Variants in NPIPB2 observed in about 807,000 individuals in gnomAD.
The protein encoded by NPIPB2 is nuclear pore complex interacting protein family member B2, also known as nuclear pore complex-interacting protein family member B2.
NPIPB2 carries 27 observed loss-of-function variants against 30.8 expected under a neutral mutation model. The ratio of observed to expected loss-of-function variants is 0.88; its 90% confidence interval spans 0.65 to 1.21. The LOEUF (loss-of-function observed/expected upper bound fraction) is 1.21, where lower values mean the gene tolerates loss of function less well. Among genes scored for constraint, NPIPB2 ranks in the 50% most tolerant of loss-of-function variants. NPIPB2 has a pLI of 0.00. For synonymous variants in NPIPB2, 147 were observed against 162.0 expected (o/e 0.91, Z 0.70); for missense variants, 440 against 446.2 (o/e 0.99, Z 0.13).
In NPIPB2 at chr16:11,965,611, A is replaced by G. The variant is rs149170267; in HGVS notation, c.-584+10957T>C. ...CAGTGATTTTAATGTTTATGGAAAC[A>G]AAGTAATTATTTGGAACTGAACTTG... On this transcript the variant is annotated intron_variant, in intron 1 of 5. Coordinates refer to the NPIPB2 transcript ENST00000538896. Among the ~76,000 whole-genome samples the G allele has an allele frequency of 1.8e-3, 267 of 152,354 alleles. 1 individual carries two copies. Among genetic ancestry groups the G allele is most frequent in the African/African-American group, 6.2e-3 (256 of 41,590 alleles).
intron 1 of NPIPB2, among the ~76,000 whole-genome samples, chr16:11,949,846 A>G (rs1205084642): frequency 3.3e-5 from 5 of 152,184 alleles, no homozygotes; most frequent in African/African-American, 9.6e-5. Flanking sequence ...TTTCCCCCAG[A>G]GGTTGATGAA....
At chr16:11,950,779 C>G (rs2055054514) in intron 1 of NPIPB2, among the ~76,000 whole-genome samples, 1 of 152,058 alleles carries the variant, frequency 6.6e-6, no homozygotes, top group Non-Finnish European at 1.5e-5. Context: ...GTGTCAGACA[C>G]TGGGAACATA....
At chr16:11,955,085 A>G (rs2055098560) in intron 1 of NPIPB2, among the ~76,000 whole-genome samples, 1 of 151,852 alleles carries the variant, frequency 6.6e-6, no homozygotes, top group African/African-American at 2.4e-5. Context: ...TAAAGATTTC[A>G]GAATTTAGGC....
rs1176562103 is a variant in NPIPB2 at position 11,954,418 on chromosome 16, C to A, written c.-583-12304G>T. ...ACTTGAACCCAGGAGTTTAAGGTTA[C>A]AGTGAGTTATGATTGCACCACTGCA... On this transcript the variant is annotated intron_variant, in intron 1 of 5. Transcript: ENST00000538896. 2.0e-5 allele frequency among the ~76,000 whole-genome samples: 3 copies of A among 148,474 alleles called. No individual in the cohort carries two copies. The Admixed American group carries it at 2.0e-4, about 10-fold the overall frequency.
intron 1 of NPIPB2, chr16:11,966,118 A>T: frequency 7.0e-7 from 1 of 1,419,060 alleles, no homozygotes; most frequent in East Asian, 2.5e-5. Flanking sequence ...CTCAAAATAA[A>T]TAAATAAATA....
At chr16:11,973,539 C>A (rs1251047711) in intron 1 of NPIPB2, among the ~76,000 whole-genome samples, 1 of 152,142 alleles carries the variant, frequency 6.6e-6, no homozygotes, top group Non-Finnish European at 1.5e-5. Flanking sequence ...GAATACCTAT[C>A]CCTCAACAGA....
At chr16:11,943,139 G>T (rs1349617817), upstream of NPIPB2, among the ~76,000 whole-genome samples, 4 of 152,040 alleles carry the variant, frequency 2.6e-5, no homozygotes, top group South Asian at 6.2e-4. Flanking sequence ...GGCCAATATG[G>T]TGAAACCCTG....
At chr16:11,936,942 T>C (rs1458917546) in intron 2 of NPIPB2, among the ~76,000 whole-genome samples, 14 of 151,878 alleles carry the variant, frequency 9.2e-5, no homozygotes, top group African/African-American at 2.2e-4. Context: ...CTCAGGCCAA[T>C]TGTTTGTTCC....
intron 4 of NPIPB2, among the ~76,000 whole-genome samples, chr16:11,931,589 C>A (rs1361321382): frequency 6.6e-6 from 1 of 151,990 alleles, no homozygotes; most frequent in South Asian, 2.1e-4. Context: ...CCTGTCCCCA[C>A]GCTAAAGAAG....
chr16:11,957,190 A>G (rs1596503326), intron 1 of NPIPB2, among the ~76,000 whole-genome samples: 1 of 133,290 alleles, frequency 7.5e-6, no homozygotes, highest in African/African-American at 2.9e-5. Context: ...TTTGAGATGG[A>G]GTCTCACTCT....
chr16:11,943,451 C>G (rs1053002518), upstream of NPIPB2, among the ~76,000 whole-genome samples: 1 of 152,212 alleles, frequency 6.6e-6, no homozygotes, highest in Non-Finnish European at 1.5e-5. Context: ...CGCCTGTAAT[C>G]CCAGCACTTT....
chr16:11,934,065 T>C lies in NPIPB2; in HGVS notation c.193-141A>G, dbSNP rs2054831187. 6 of 669,956 alleles carry C rather than the reference T, an allele frequency of 9.0e-6. No individual in the cohort carries two copies. In the South Asian group the frequency reaches 1.1e-4, roughly 12 times the overall value. The allele number at this position is 669,956 out of a possible 1,614,324, so 41.5% of individuals were successfully genotyped here. On this transcript the variant is annotated intron_variant, in intron 2 of 7. Transcript: ENST00000399147. ...GGCCAAGATGGTGAAACCCCGTCTC[T>C]ACTAAAAATACAAAAATTAGCCGGG...
chr16:11,933,829 C>T, exon 3 of NPIPB2: 3 of 1,588,044 alleles, frequency 1.9e-6, no homozygotes, highest in Non-Finnish European at 1.7e-6. Context: ...CCATACCTTC[C>T]TGTCTACGGC....
At chr16:11,976,453 C>G (rs1234055853) in intron 1 of NPIPB2, 1 of 287,412 alleles carries the variant, frequency 3.5e-6, no homozygotes, top group Non-Finnish European at 6.4e-6. Flanking sequence ...CTTTCCCGCT[C>G]GCATCCCTCT....
chr16:11,950,101 T>C (rs553587496), intron 1 of NPIPB2, among the ~76,000 whole-genome samples: 3 of 152,312 alleles, frequency 2.0e-5, no homozygotes, highest in South Asian at 4.1e-4. Flanking sequence ...AGTGGCATGA[T>C]CTTGGCTCAT....
intron 1 of NPIPB2, among the ~76,000 whole-genome samples, chr16:11,953,096 A>T (rs570056621): frequency 6.6e-6 from 1 of 152,126 alleles, no homozygotes; most frequent in Non-Finnish European, 1.5e-5. Flanking sequence ...AATTTATTTA[A>T]CCATTTGACG....
chr16:11,933,916 G>A lies in NPIPB2; in HGVS notation c.201C>T (p.Phe67=), dbSNP rs191739467. Residue 67 remains phenylalanine, a synonymous_variant, in exon 3 of 8, where the codon TTC becomes TTT. Coordinates refer to ENST00000399147, the Ensembl canonical transcript of NPIPB2. ...TTTCAGACTGGAAGATAGTCTTCAGGAAAGACAACTAGGAAATAATAATAT... is the reference window on the plus strand; with the variant it reads ...TTTCAGACTGGAAGATAGTCTTCAGAAAAGACAACTAGGAAATAATAATAT... The A allele has an allele frequency of 1.3e-3, 2,068 of 1,541,112 alleles. 9 individuals carry two copies. Among genetic ancestry groups the A allele is most frequent in the Non-Finnish European group, 1.1e-3 (1,282 of 1,128,370 alleles).
chr16:11,953,586 G>A (rs144350868), intron 1 of NPIPB2, among the ~76,000 whole-genome samples: 14 of 152,138 alleles, frequency 9.2e-5, no homozygotes, highest in African/African-American at 3.1e-4. Flanking sequence ...TCCTGACCTC[G>A]TGATTCACCC....
upstream of NPIPB2, among the ~76,000 whole-genome samples, chr16:11,942,786 G>A (rs2054957025): frequency 3.3e-5 from 5 of 151,736 alleles, no homozygotes. Context: ...GACCCCCACT[G>A]TCCATCACCT....
Sources: allele counts gnomAD v4.1 joint callset (sites outside exome capture counted in the v4.1 genomes callset), GRCh38; gene constraint gnomAD v4.1.1; transcripts MANE v1.5; gene names NCBI Gene and HGNC (gene_info 2026-07-23, HGNC 2026-07-21).